The following ARFGAP3 variants were observed in gnomAD, a reference collection of about 807,000 sequenced individuals.
The protein encoded by ARFGAP3 is ARF GTPase activating protein 3, also known as ADP-ribosylation factor GTPase-activating protein 3.
A neutral mutation model predicts 75.0 loss-of-function variants in ARFGAP3; 72 were observed. The ratio of observed to expected loss-of-function variants is 0.96; its 90% CI spans 0.79 to 1.17. The LOEUF is 1.17. Among genes scored for constraint, ARFGAP3 ranks in the 50% most tolerant of loss-of-function variants. The pLI is 0.00. For missense variants in ARFGAP3, 620 were observed against 626.6 expected (o/e 0.99, Z 0.11); for synonymous variants, 221 against 217.9 (o/e 1.01, Z -0.13).
At chr22:42,822,984 AT>A (rs1162574641) in intron 8 of ARFGAP3, among the ~76,000 whole-genome samples, 1 of 151,748 alleles carries the variant, frequency 6.6e-6, no homozygotes, top group East Asian at 1.9e-4. Flanking sequence ...TACTTTTTGT[AT>A]TTTTTGAAGA....
In ARFGAP3 at chr22:42,817,803, G is replaced by A. The variant is rs770332214; in HGVS notation, c.867C>T (p.Asp289=). 3.7e-5 allele frequency: 60 copies of A among 1,612,730 alleles called. No individual in the cohort carries two copies. The highest frequency in any genetic ancestry group is 4.8e-5 in the Non-Finnish European group (57 of 1,179,542). ...YKDLEIQMKK[D]EKMNISGKKN... is the part of the protein sequence containing the mutation. ...TTTTGCCACTAATGTTCATCTTTTCGTCTTTCTTCATTTGAATTTCAAGAT... is the reference window on the plus strand; with the variant it reads ...TTTTGCCACTAATGTTCATCTTTTCATCTTTCTTCATTTGAATTTCAAGAT... The change falls in exon 10 of 16, where the codon GAC becomes GAT. Residue 289 remains aspartate, a synonymous_variant. Transcript: ENST00000263245.
chr22:42,820,741 G>GC (rs1162311098), intron 9 of ARFGAP3, among the ~76,000 whole-genome samples: 2 of 151,042 alleles, frequency 1.3e-5, no homozygotes, highest in African/African-American at 2.5e-5. Flanking sequence ...TGCACCCTCC[G>GC]CCCTTCTCTC....
At chr22:42,827,804 C>T (rs1926106702) in intron 6 of ARFGAP3, among the ~76,000 whole-genome samples, 1 of 152,168 alleles carries the variant, frequency 6.6e-6, no homozygotes, top group African/African-American at 2.4e-5. Context: ...TCATTAAAAG[C>T]CTGGCACAGT....
intron 14 of ARFGAP3, among the ~76,000 whole-genome samples, chr22:42,800,996 C>A (rs971830282): frequency 1.3e-5 from 2 of 152,226 alleles, no homozygotes; most frequent in African/African-American, 2.4e-5. Flanking sequence ...AGCTCACCAC[C>A]TACTGGGGAA....
rs191770822 is a variant in ARFGAP3, at chr22:42,827,483, C to T, written c.566-484G>A. ...CCGGGTTCAAGCCATTATCCTGCCT[C>T]GGCCACCCGAGTAGCTGGGATTACA... On this transcript the variant is annotated intron_variant, in intron 6 of 15. Coordinates refer to ENST00000263245, the MANE Select transcript of ARFGAP3 (RefSeq NM_014570.5). Among the ~76,000 whole-genome samples the T allele has an allele frequency of 6.0e-3, 915 of 152,300 alleles. 3 individuals are homozygous for T. The highest frequency in any genetic ancestry group is 0.017 in the African/African-American group (713 of 41,564).
Position 42,799,079 on chromosome 22 carries a change from T to G in ARFGAP3, c.1493A>C (p.Lys498Thr), listed in dbSNP as rs753688623. Residue 498 changes from lysine to threonine, a missense_variant, in exon 15 of 16, where the codon AAA (lysine) becomes ACA (threonine). By Grantham distance (78) the Lys-to-Thr change is moderately conservative. Transcript: ENST00000263245. ...GACTCCATTAGCAAAGACGGAGAGT[T>G]TTCCAGCAACCGATCTCACTCCCTG... ...FKQGVRSVAG[K>T]LSVFANGVVT... 9.3e-6 allele frequency: 15 copies of G among 1,613,966 alleles called. 1 individual carries two copies. In the South Asian group the frequency reaches 1.6e-4, roughly 18 times the overall value.
chr22:42,823,804 GATGAT>G (rs1404238455), intron 7 of ARFGAP3, 102 bp from the exon 8 acceptor site: 2 of 1,222,976 alleles, frequency 1.6e-6, no homozygotes, highest in African/African-American at 3.2e-5. Context: ...TTATTTAAGA[GATGAT>G]AACATTTTCC....
At chr22:42,856,995 C>A in intron 1 of ARFGAP3, 119 bp downstream of exon 1, 17 of 1,074,104 alleles carry the variant, frequency 1.6e-5, no homozygotes, top group Non-Finnish European at 1.9e-5. Flanking sequence ...CCCCACAGTG[C>A]GACGTGTCAC....
rs564788302 is a variant in ARFGAP3, at chr22:42,839,428, G to T, written c.261+1516C>A. Among the ~76,000 whole-genome samples the T allele has an allele frequency of 9.9e-5, 15 of 151,650 alleles. 1 individual carries two copies. Among genetic ancestry groups the T allele is most frequent in the African/African-American group, 3.6e-4 (15 of 41,354 alleles). On this transcript the variant is annotated intron_variant, in intron 3 of 15. Coordinates refer to ENST00000263245, the MANE Select transcript of ARFGAP3 (RefSeq NM_014570.5). ...AGCTCGGCCAACATGGTGAAACCTCGTCTCTACTAAAAATACCAAAAAATC... is the reference window on the plus strand; with the variant it reads ...AGCTCGGCCAACATGGTGAAACCTCTTCTCTACTAAAAATACCAAAAAATC...
At position 42,801,890 on chromosome 22, in the gene ARFGAP3, GC is replaced by G. The variant is rs530152698; in HGVS notation, c.1412-2731del. Among the ~76,000 whole-genome samples the G allele has an allele frequency of 2.6e-5, 4 of 152,174 alleles. No individual in the cohort carries two copies. The South Asian group carries it at 8.3e-4, about 32-fold the overall frequency. On this transcript the variant is annotated intron_variant, in intron 14 of 15. Transcript: ENST00000263245. Reference sequence around the variant, plus strand: ...CAGGCCCCCAGGGTAAATACGGGTTGCGGGGCTGTCTGGGGGAATGGGGAAG... The same window carrying G: ...CAGGCCCCCAGGGTAAATACGGGTTGGGGGCTGTCTGGGGGAATGGGGAAG...
At chr22:42,849,177 C>G (rs542170895) in intron 1 of ARFGAP3, among the ~76,000 whole-genome samples, 52 of 152,210 alleles carry the variant, frequency 3.4e-4, no homozygotes, top group Non-Finnish European at 6.0e-4. Flanking sequence ...CATGAAAGAC[C>G]CTGGGTCAGA....
At chr22:42,850,190 A>C (rs897789295) in intron 1 of ARFGAP3, among the ~76,000 whole-genome samples, 3 of 152,288 alleles carry the variant, frequency 2.0e-5, no homozygotes, top group South Asian at 2.1e-4. Flanking sequence ...TGTGGAAAGT[A>C]GTATTTATAA....
In ARFGAP3 at chr22:42,849,984, A is replaced by G. The variant is rs570474078; in HGVS notation, c.70-2352T>C. Among the ~76,000 whole-genome samples the G allele has an allele frequency of 2.6e-5, 4 of 152,304 alleles. No homozygotes were observed. In the East Asian group the frequency reaches 7.7e-4, roughly 29 times the overall value. ...CACAGCCTGAAAAATAGGCTTACCC[A>G]TGGTAAGCATTCAGTAAATATTTGT... On this transcript the variant is annotated intron_variant, in intron 1 of 15. Transcript: ENST00000263245.
At chr22:42,816,332 T>G (rs1458056433) in intron 11 of ARFGAP3, among the ~76,000 whole-genome samples, 1 of 152,190 alleles carries the variant, frequency 6.6e-6, no homozygotes, top group African/African-American at 2.4e-5. Context: ...ACAAAGAAGT[T>G]AAATAACTTG....
intron 1 of ARFGAP3, among the ~76,000 whole-genome samples, chr22:42,850,992 T>C (rs1401967962): frequency 1.3e-5 from 2 of 152,182 alleles, no homozygotes; most frequent in African/African-American, 2.4e-5. Flanking sequence ...TGATGGCCAT[T>C]AGGAGAACCC....
At chr22:42,818,801 G>A (rs1043557130) in intron 9 of ARFGAP3, among the ~76,000 whole-genome samples, 1 of 149,986 alleles carries the variant, frequency 6.7e-6, no homozygotes, top group Non-Finnish European at 1.5e-5. Flanking sequence ...TAGTAATAGG[G>A]AAAGACAACA....
At chr22:42,827,304 T>TA (rs1351326860) in intron 6 of ARFGAP3, among the ~76,000 whole-genome samples, 1 of 152,234 alleles carries the variant, frequency 6.6e-6, no homozygotes, top group African/African-American at 2.4e-5. Flanking sequence ...AAAAGATACT[T>TA]ACTACCTCTG....
At chr22:42,841,436 G>C (rs1266483186) in intron 2 of ARFGAP3, among the ~76,000 whole-genome samples, 1 of 152,150 alleles carries the variant, frequency 6.6e-6, no homozygotes, top group South Asian at 2.1e-4. Flanking sequence ...CTTATCACAA[G>C]GTAGAAGAGA....
At position 42,799,147 on chromosome 22, in the gene ARFGAP3, C is replaced by T; in HGVS notation, c.1425G>A (p.Leu475=). The T allele has an allele frequency of 6.2e-7, 1 of 1,614,098 alleles. No homozygotes were observed. The highest frequency in any genetic ancestry group is 8.5e-7 in the Non-Finnish European group (1 of 1,180,004). The change falls in exon 15 of 16, where the codon CTG becomes CTA. Residue 475 remains leucine (L), a synonymous_variant. Transcript: ENST00000263245. ...PRKQPAGNYS[L]SSVLPNAPDM... ...CGGGGGCGTTGGGCAGCACACTGGA[C>T]AGGCTGTAGTTCCCTGCACACACAC...
Sources: allele counts gnomAD v4.1 joint callset (sites outside exome capture counted in the v4.1 genomes callset), GRCh38; gene constraint gnomAD v4.1.1; transcripts MANE v1.5; gene names NCBI Gene and HGNC (gene_info 2026-07-23, HGNC 2026-07-21).